The following ELAC2 variants were observed in gnomAD, a reference collection of about 807,000 sequenced individuals.
The protein encoded by ELAC2 is zinc phosphodiesterase ELAC protein 2.
ELAC2 carries 92 observed loss-of-function variants against 105.2 expected under a neutral mutation model. That is an observed-to-expected ratio of 0.87 (90% CI 0.74 to 1.04). The LOEUF is 1.04. ELAC2 is among the 50% of genes least tolerant of loss of function. The probability of loss-of-function intolerance (pLI) is 0.00; values close to 1 mark genes in which losing one functional copy is unlikely to be tolerated. For missense variants in ELAC2, 1,099 were observed against 1,071.7 expected (o/e 1.03, Z -0.36); for synonymous variants, 468 against 409.1 (o/e 1.14, Z -1.74).
chr17:13,017,744 C>G lies in ELAC2; in HGVS notation c.204G>C (p.Arg68=), dbSNP rs2041829306. 2 of 1,611,892 alleles carry G rather than the reference C, an allele frequency of 1.2e-6. No homozygotes were observed. The highest frequency in any genetic ancestry group is 1.3e-5 in the African/African-American group (1 of 75,052). The change falls in exon 1 of 24, where the codon CGG becomes CGC. Residue 68 remains arginine, a synonymous_variant. Transcript: ENST00000338034. ...AGACGTAGAGCGCGGCGCCCGAGTC[C>G]CGGCTACCCGCTGCCACCACCTGCA... is the stretch of plus-strand genomic sequence containing the variant. ...VYLQVVAAGS[R]DSGAALYVFS...
Position 13,011,700 on chromosome 17 carries a change from G to A in ELAC2, c.642C>T (p.Asp214=), listed in dbSNP as rs2041421864. ...GTGGCTCATTTTCATTCGACTCGGAGTCTGAAGATCGCTCTGGACTGAGCC... is the reference window on the plus strand; with the variant it reads ...GTGGCTCATTTTCATTCGACTCGGAATCTGAAGATCGCTCTGGACTGAGCC... ...LSRLSPERSS[D]SESNENEPHL... Residue 214 remains aspartate, a synonymous_variant, in exon 7 of 24, where the codon GAC becomes GAT. Transcript: ENST00000338034. The A allele has an allele frequency of 6.2e-7, 1 of 1,614,156 alleles. No individual in the cohort carries two copies. Among genetic ancestry groups the A allele is most frequent in the Non-Finnish European group, 8.5e-7 (1 of 1,180,032 alleles).
rs368043147 is a variant in ELAC2 at position 12,995,076 on chromosome 17, A to G, written c.1809-14T>C. On this transcript the variant is annotated splice_polypyrimidine_tract_variant and intron_variant, in intron 19 of 23. Coordinates refer to ENST00000338034, the MANE Select transcript of ELAC2 (RefSeq NM_018127.7). ...GCAGGAATCATACTGTAAAAAGACA[A>G]AACATTTAAAATGATAATAAACGTT... The G allele has an allele frequency of 9.3e-6, 15 of 1,613,306 alleles. No homozygotes were observed. The highest frequency in any genetic ancestry group is 1.3e-5 in the African/African-American group (1 of 75,048).
intron 19 of ELAC2, 86 bp downstream of exon 19, chr17:12,995,617 G>GT: frequency 7.6e-7 from 1 of 1,319,332 alleles, no homozygotes; most frequent in Non-Finnish European, 1.1e-6. Flanking sequence ...GGGGATATTG[G>GT]TAACTACCCC....
Position 13,002,377 on chromosome 17 carries a change from C to T in ELAC2, c.1219-18G>A. 1 of 1,614,160 alleles carries T rather than the reference C, an allele frequency of 6.2e-7. No individual in the cohort carries two copies. Among genetic ancestry groups the T allele is most frequent in the Non-Finnish European group, 8.5e-7 (1 of 1,180,036 alleles). On this transcript the variant is annotated intron_variant, in intron 13 of 23. Coordinates refer to ENST00000338034, the MANE Select transcript of ELAC2 (RefSeq NM_018127.7). Reference sequence around the variant, plus strand: ...CCCTCCTTCTGAAAGAGACAAAACACATTCATGGAGAGAAAGAGAGGGGAC... The same window carrying T: ...CCCTCCTTCTGAAAGAGACAAAACATATTCATGGAGAGAAAGAGAGGGGAC...
intron 23 of ELAC2, among the ~76,000 whole-genome samples, chr17:12,993,391 C>A (rs550120224): frequency 1.3e-5 from 2 of 152,218 alleles, no homozygotes; most frequent in African/African-American, 4.8e-5. Context: ...GAGGCAACCA[C>A]CTGTCTCACA....
At position 13,002,388 on chromosome 17, in the gene ELAC2, A is replaced by C. The variant is rs1310663174; in HGVS notation, c.1219-29T>G. ...AAAGAGACAAAACACATTCATGGAG[A>C]GAAAGAGAGGGGACGAGAGCTGGGC... On this transcript the variant is annotated intron_variant, in intron 13 of 23. Coordinates refer to ENST00000338034, the MANE Select transcript of ELAC2 (RefSeq NM_018127.7). The C allele has an allele frequency of 1.9e-6, 3 of 1,614,004 alleles. No homozygotes were observed. The East Asian group carries it at 6.7e-5, about 36-fold the overall frequency.
chr17:13,017,439 C>T, intron 1 of ELAC2: 1 of 682,228 alleles, frequency 1.5e-6, no homozygotes, highest in Non-Finnish European at 2.4e-6. Flanking sequence ...GAGGGTGGAG[C>T]TCCGAAAGTG....
chr17:13,017,175 C>T, intron 1 of ELAC2, 54 bp from the exon 2 acceptor site: 2 of 1,448,130 alleles, frequency 1.4e-6, no homozygotes, highest in Non-Finnish European at 1.9e-6. Context: ...TGTAAACTCT[C>T]TGACACCAAT....
At chr17:13,009,293 T>C (rs2041279964) in intron 8 of ELAC2, among the ~76,000 whole-genome samples, 1 of 152,200 alleles carries the variant, frequency 6.6e-6, no homozygotes, top group African/African-American at 2.4e-5. Context: ...TAGATAACAA[T>C]TCCAAATATA....
In ELAC2 at chr17:13,005,793, GCAGCAAT is replaced by G; in HGVS notation, c.823_829del (p.Ile275LeufsTer33). 1.2e-6 allele frequency: 2 copies of G among 1,614,152 alleles called. No homozygotes were observed. ...AGTGATGCTTTTCCCGTCCTTGACA[GCAGCAAT>G]GATGGGAGCGATGGCAGCTGTCCCA... is the stretch of plus-strand genomic sequence containing the variant. On this transcript the variant is annotated frameshift_variant, in exon 10 of 24. Transcript: ENST00000338034. LOFTEE classifies it high-confidence loss of function.
chr17:12,995,475 A>T (rs1233002183), intron 19 of ELAC2, among the ~76,000 whole-genome samples: 2 of 152,244 alleles, frequency 1.3e-5, no homozygotes, highest in African/African-American at 2.4e-5. Flanking sequence ...CAGAACTCAA[A>T]TGAGGACTGG....
chr17:13,014,477 A>T lies in ELAC2; in HGVS notation c.452T>A (p.Ile151Asn). The T allele has an allele frequency of 6.2e-7, 1 of 1,613,698 alleles. No homozygotes were observed. The highest frequency in any genetic ancestry group is 8.5e-7 in the Non-Finnish European group (1 of 1,179,668). The change falls in exon 5 of 24, where the codon ATC becomes AAC. Residue 151 changes from isoleucine (I) to asparagine (N), a missense_variant. By Grantham distance (149) the Ile-to-Asn change is moderately radical. Coordinates refer to ENST00000338034, the MANE Select transcript of ELAC2 (RefSeq NM_018127.7). ...PPQLEKYLEA[I>N]KIFSGPLKGI... ...TTTCAATGGACCAGAAAATATTTTG[A>T]TTGCTTCGAGGTATTTTTCCTAATG...
Position 12,992,858 on chromosome 17 carries a change from T to C in ELAC2, c.2441A>G (p.His814Arg). ...CTTCTTGGCCTGTGGCTCCTCTGTGTGGGCCCGCTTCTGCTGAGGCTCCCC... is the reference window on the plus strand; with the variant it reads ...CTTCTTGGCCTGTGGCTCCTCTGTGCGGGCCCGCTTCTGCTGAGGCTCCCC... ...EDGEPQQKRAHTEEPQAKKVR... is the reference protein window; with the variant it reads ...EDGEPQQKRARTEEPQAKKVR... Residue 814 changes from histidine to arginine, a missense_variant, in exon 24 of 24, where the codon CAC becomes CGC. Coordinates refer to ENST00000338034, the MANE Select transcript of ELAC2 (RefSeq NM_018127.7). 6.2e-7 allele frequency: 1 copy of C among 1,608,346 alleles called. No individual in the cohort carries two copies. Among genetic ancestry groups the C allele is most frequent in the South Asian group, 1.1e-5 (1 of 91,076 alleles).
chr17:13,010,627 C>T lies in ELAC2; in HGVS notation c.724G>A (p.Ala242Thr), dbSNP rs370281819. The T allele has an allele frequency of 1.9e-6, 3 of 1,614,094 alleles. No individual in the cohort carries two copies. Among genetic ancestry groups the T allele is most frequent in the Middle Eastern group, 1.6e-4 (1 of 6,062 alleles). ...GTCTTCCTTACCTTACAGATGAAAG[C>T]TACGACCAGGGAAGAGTCCCTGACC... is the stretch of plus-strand genomic sequence containing the variant. ...RGVRDSSLVV[A>T]FICKLHLKRG... The change falls in exon 8 of 24, where the codon GCT becomes ACT. Residue 242 changes from alanine (A) to threonine (T), a missense_variant. Physicochemically the swap from Ala to Thr is moderately conservative, Grantham distance 58. Transcript: ENST00000338034.
In ELAC2 at chr17:13,017,606, T is replaced by C. The variant is rs2041817242; in HGVS notation, c.245+97A>G. ...CCCCCGCAACAGTGAACCACATGTG[T>C]GAAGCAGGGAAGCCGAAGCCCTGGG... On this transcript the variant is annotated intron_variant, in intron 1 of 23. Transcript: ENST00000338034. 6.3e-6 allele frequency: 10 copies of C among 1,587,778 alleles called. No individual in the cohort carries two copies. The South Asian group carries it at 1.1e-4, about 18-fold the overall frequency.
intron 1 of ELAC2, 122 bp downstream of exon 1, chr17:13,017,581 C>T (rs1251758780): frequency 6.6e-7 from 1 of 1,522,166 alleles, no homozygotes; most frequent in Non-Finnish European, 8.9e-7. Flanking sequence ...ACTCCACGAA[C>T]CCCCGCAACA....
At chr17:12,994,676 A>G in intron 21 of ELAC2, 88 bp downstream of exon 21, 1 of 1,610,960 alleles carries the variant, frequency 6.2e-7, no homozygotes, top group Non-Finnish European at 8.5e-7. Flanking sequence ...GCCTCTGCTG[A>G]CGTTTCCCTG....
chr17:12,999,592 C>T (rs990080461), intron 15 of ELAC2, among the ~76,000 whole-genome samples: 4 of 152,160 alleles, frequency 2.6e-5, no homozygotes, highest in East Asian at 1.9e-4. Flanking sequence ...TCACTCAGTG[C>T]GTGCCTTGCC....
At chr17:13,015,714 C>T in intron 4 of ELAC2, 54 bp downstream of exon 4, 1 of 1,487,796 alleles carries the variant, frequency 6.7e-7, no homozygotes, top group Non-Finnish European at 9.4e-7. Context: ...ATTCTTGTTA[C>T]TGATATTACA....
Sources: gnomAD v4.1 joint callset for allele counts (sites outside exome capture counted in the v4.1 genomes callset) on GRCh38, gnomAD v4.1.1 for gene constraint, MANE v1.5 for transcripts, NCBI Gene and HGNC (gene_info 2026-07-23, HGNC 2026-07-21) for gene names.